Variants in SELENOF observed in about 807,000 individuals in gnomAD.
SELENOF encodes the protein 15 kDa selenoprotein.
SELENOF carries 16 observed loss-of-function variants against 20.5 expected under a neutral mutation model. The observed-to-expected ratio is 0.78, with a 90% CI of 0.53 to 1.19. The LOEUF (loss-of-function observed/expected upper bound fraction) is 1.19. Among genes scored for constraint, SELENOF ranks in the 50% most tolerant of loss-of-function variants. The pLI is 0.00. For missense variants in SELENOF, 215 were observed against 194.2 expected, an observed-to-expected ratio of 1.11 and a Z score of -0.64; for synonymous variants, 78 against 74.5, an observed-to-expected ratio of 1.05 and a Z score of -0.24.
At chr1:86,914,499 G>C (rs1221244373), upstream of SELENOF, 4 of 258,106 alleles carry the variant, frequency 1.5e-5, no homozygotes, top group Non-Finnish European at 3.1e-5. Flanking sequence ...AACCAAGAGC[G>C]AAGCGCAGGG....
chr1:86,864,766 A>G (rs1211996372), intron 4 of SELENOF, among the ~76,000 whole-genome samples: 3 of 151,482 alleles, frequency 2.0e-5, no homozygotes, highest in African/African-American at 4.9e-5. Context: ...CCTCCCGAGT[A>G]GCTGGGATTA....
At chr1:86,914,411 C>T (rs545399336), upstream of SELENOF, 39 of 455,194 alleles carry the variant, frequency 8.6e-5, no homozygotes, top group South Asian at 8.9e-4. Context: ...AGTTTTAGCC[C>T]CGCCTTCTTC....
chr1:86,863,414 G>A lies in SELENOF; in HGVS notation c.*60C>T. The A allele has an allele frequency of 2.1e-6, 3 of 1,399,318 alleles. No individual in the cohort carries two copies. In the East Asian group the frequency reaches 7.1e-5, roughly 33 times the overall value. 86.7% of individuals were successfully genotyped at this position (1,399,318 alleles called of 1,614,324 possible). A position where few individuals can be genotyped will look rare whatever the true frequency, so the allele number is the denominator to read the frequency against. The stretch of plus-strand genomic sequence containing the variant: ...GCAAGCAAAACTAAATTATTTTCTA[G>A]GTGCTGTAATATTTCATTTGATAAG... On this transcript the variant is annotated 3_prime_UTR_variant, in exon 5 of 5. Transcript: ENST00000331835.
Position 86,913,826 on chromosome 1 carries a change from G to C in SELENOF, c.84+202C>G, listed in dbSNP as rs1024764116. On this transcript the variant is annotated intron_variant, in intron 1 of 4. Transcript: ENST00000331835. ...CGTACCCAAGACAATCTGAAATCAAGAGAAAACTGCTGCTAGAAACCCAAG... is the reference window on the plus strand; with the variant it reads ...CGTACCCAAGACAATCTGAAATCAACAGAAAACTGCTGCTAGAAACCCAAG... The C allele has an allele frequency of 2.0e-5, 12 of 595,168 alleles. No homozygotes were observed. In the East Asian group the frequency reaches 3.3e-4, roughly 17 times the overall value. 36.9% of individuals were successfully genotyped at this position (595,168 alleles called of 1,614,324 possible).
chr1:86,874,695 T>C (rs1179355365), intron 3 of SELENOF, among the ~76,000 whole-genome samples: 1 of 151,934 alleles, frequency 6.6e-6, no homozygotes, highest in Non-Finnish European at 1.5e-5. Context: ...TAAAGAAAAA[T>C]GTTTGAATTA....
intron 2 of SELENOF, among the ~76,000 whole-genome samples, chr1:86,900,685 C>T (rs1659679437): frequency 6.6e-6 from 1 of 151,230 alleles, no homozygotes; most frequent in African/African-American, 2.4e-5. Flanking sequence ...GAGACGGAGA[C>T]GGAGACCGTG....
intron 4 of SELENOF, among the ~76,000 whole-genome samples, chr1:86,865,212 CCAAACAAA>C (rs140998471): frequency 0.052 from 7,809 of 151,286 alleles, 679 homozygotes; most frequent in African/African-American, 0.18. Flanking sequence ...GCTCAGCTTA[CCAAACAAA>C]CAAACAAACA....
chr1:86,869,853 C>G (rs1658713340), intron 3 of SELENOF, among the ~76,000 whole-genome samples: 1 of 152,160 alleles, frequency 6.6e-6, no homozygotes, highest in South Asian at 2.1e-4. Flanking sequence ...CGGCTCACTG[C>G]AACCTCTGCT....
chr1:86,908,647 G>A (rs1659892954), intron 1 of SELENOF, among the ~76,000 whole-genome samples: 1 of 152,132 alleles, frequency 6.6e-6, no homozygotes, highest in African/African-American at 2.4e-5. Context: ...TGTGTGATCC[G>A]TAAGGCCCAG....
At chr1:86,873,648 C>T (rs1416007377) in intron 3 of SELENOF, among the ~76,000 whole-genome samples, 2 of 151,824 alleles carry the variant, frequency 1.3e-5, no homozygotes, top group African/African-American at 2.4e-5. Context: ...GTCGAGAGTT[C>T]GAGACCAGCC....
chr1:86,868,998 GAAAT>G, intron 3 of SELENOF, among the ~76,000 whole-genome samples: 1 of 152,178 alleles, frequency 6.6e-6, no homozygotes, highest in East Asian at 1.9e-4. Context: ...ATAAACATTT[GAAAT>G]AAATGTTCAA....
intron 2 of SELENOF, among the ~76,000 whole-genome samples, chr1:86,899,944 C>A (rs575458657): frequency 6.6e-6 from 1 of 151,624 alleles, no homozygotes; most frequent in South Asian, 2.1e-4. Flanking sequence ...CCTCACATCC[C>A]ACACGGGGCG....
chr1:86,899,424 C>G (rs182860812), intron 2 of SELENOF, among the ~76,000 whole-genome samples: 2 of 123,894 alleles, frequency 1.6e-5, no homozygotes, highest in Non-Finnish European at 3.3e-5. Flanking sequence ...GCCGACCCCC[C>G]CCACCTCCCT....
chr1:86,862,499 TTAAA>T lies in SELENOF; in HGVS notation c.*971_*974del, dbSNP rs1658480605. The T allele has an allele frequency of 6.6e-6, 1 of 152,122 alleles. No homozygotes were observed. The highest frequency in any genetic ancestry group is 6.5e-5 in the Admixed American group (1 of 15,276). 9.4% of individuals were successfully genotyped at this position (152,122 alleles called of 1,614,324 possible). A position where few individuals can be genotyped will look rare whatever the true frequency, so the allele number is the denominator to read the frequency against. On this transcript the variant is annotated 3_prime_UTR_variant, in exon 5 of 5. Transcript: ENST00000331835. Reference sequence around the variant, plus strand: ...AAAATTCTATATCAAGAGATATTCCTTAAATAATATACCAATGAAAATGTGTTCA... The same window carrying T: ...AAAATTCTATATCAAGAGATATTCCTTAATATACCAATGAAAATGTGTTCA...
chr1:86,909,433 C>A (rs182992322), intron 1 of SELENOF, among the ~76,000 whole-genome samples: 1 of 152,244 alleles, frequency 6.6e-6, no homozygotes, highest in Admixed American at 6.5e-5. Flanking sequence ...GGTTGGGCTT[C>A]CTCACTGCTC....
chr1:86,864,403 T>A (rs1045240842), intron 4 of SELENOF, among the ~76,000 whole-genome samples: 5 of 152,244 alleles, frequency 3.3e-5, no homozygotes, highest in Admixed American at 1.3e-4. Flanking sequence ...ATTGGATAAC[T>A]AACAATGTAG....
At chr1:86,884,136 G>A (rs374796258) in intron 2 of SELENOF, among the ~76,000 whole-genome samples, 43 of 152,166 alleles carry the variant, frequency 2.8e-4, no homozygotes, top group Non-Finnish European at 5.3e-4. Flanking sequence ...TAGGTGTGCC[G>A]AAGGGAGAGA....
Position 86,884,336 on chromosome 1 carries a change from C to T in SELENOF, c.253-3611G>A, listed in dbSNP as rs963081748. ...AGCATTAATCTGTGTTGTTAGCGGG[C>T]GCACATACATACACACACACACACA... On this transcript the variant is annotated intron_variant, in intron 2 of 4. Transcript: ENST00000331835. Among the ~76,000 whole-genome samples, 8 of 143,780 alleles carry T rather than the reference C, an allele frequency of 5.6e-5. No individual in the cohort carries two copies. In the East Asian group the frequency reaches 7.8e-4, roughly 14 times the overall value. The allele number at this position is 143,780 out of a possible 152,430, so 94.3% of individuals were successfully genotyped here.
At chr1:86,876,944 T>C (rs955851951) in intron 3 of SELENOF, among the ~76,000 whole-genome samples, 9 of 152,216 alleles carry the variant, frequency 5.9e-5, no homozygotes, top group African/African-American at 1.9e-4. Context: ...ATTCAGAATA[T>C]TGCATATGAG....
Sources: gnomAD v4.1 joint callset for allele counts (sites outside exome capture counted in the v4.1 genomes callset) on GRCh38, gnomAD v4.1.1 for gene constraint, MANE v1.5 for transcripts, NCBI Gene and HGNC (gene_info 2026-07-23, HGNC 2026-07-21) for gene names.